LRRC53: variants seen among roughly 807,000 people sequenced by gnomAD.
LRRC53 encodes leucine rich repeat containing 53.
In LRRC53, 25 loss-of-function variants were observed where a neutral mutation model predicts 13.6. The ratio of observed to expected loss-of-function variants is 1.83; its 90% CI spans 1.34 to 2.56. The LOEUF (loss-of-function observed/expected upper bound fraction) is 2.56. LRRC53 is among the 30% of genes most tolerant of loss of function. The pLI is 0.00. For missense variants in LRRC53, 527 were observed against 275.8 expected (o/e 1.91, Z -6.45); for synonymous variants, 204 against 109.8 (o/e 1.86, Z -5.37).
At chr1:74,511,463 G>C (rs1455659010) in intron 1 of LRRC53, among the ~76,000 whole-genome samples, 3 of 152,116 alleles carry the variant, frequency 2.0e-5, no homozygotes, top group Non-Finnish European at 4.4e-5. Flanking sequence ...TTTATTTAAA[G>C]AATTAACAAT....
intron 1 of LRRC53, among the ~76,000 whole-genome samples, chr1:74,502,394 T>C (rs1669677860): frequency 6.6e-6 from 1 of 152,188 alleles, no homozygotes; most frequent in African/African-American, 2.4e-5. Flanking sequence ...ATGGTTTCTA[T>C]TTTTTAGATA....
At chr1:74,507,463 G>A (rs1486720983) in intron 1 of LRRC53, among the ~76,000 whole-genome samples, 1 of 152,102 alleles carries the variant, frequency 6.6e-6, no homozygotes, top group Admixed American at 6.6e-5. Flanking sequence ...TACACACAGA[G>A]TAAGCTTCTT....
At position 74,480,583 on chromosome 1, in the gene LRRC53, A is replaced by C; in HGVS notation, c.474T>G (p.Ser158Arg). Reference sequence around the variant, plus strand: ...TGTTGGATAAATCCAGATACCTGAGACTGTGGAGATTCGTGCCTCCGAAAG... The same window carrying C: ...TGTTGGATAAATCCAGATACCTGAGCCTGTGGAGATTCGTGCCTCCGAAAG... ...DSSFGGTNLH[S>R]LRYLDLSNNF... Residue 158 changes from serine (S) to arginine (R), a missense_variant, in exon 3 of 5, where the codon AGT becomes AGG. Transcript: ENST00000294635. The C allele has an allele frequency of 1.4e-6, 1 of 717,266 alleles. No homozygotes were observed. The highest frequency in any genetic ancestry group is 2.6e-6 in the Non-Finnish European group (1 of 385,086). The allele number at this position is 717,266 out of a possible 1,614,324, so 44.4% of individuals were successfully genotyped here.
At chr1:74,490,924 T>G (rs947688643) in intron 1 of LRRC53, among the ~76,000 whole-genome samples, 1 of 152,226 alleles carries the variant, frequency 6.6e-6, no homozygotes, top group Non-Finnish European at 1.5e-5. Context: ...GGTGGAGACC[T>G]GGCTTAGGAG....
chr1:74,525,084 T>C, the LRRC53 span, among the ~76,000 whole-genome samples: 1 of 152,060 alleles, frequency 6.6e-6, no homozygotes, highest in African/African-American at 2.4e-5. Flanking sequence ...TTCAGTGTGA[T>C]AAAAAACATA....
At chr1:74,510,245 G>A (rs926484624) in intron 1 of LRRC53, among the ~76,000 whole-genome samples, 7 of 152,078 alleles carry the variant, frequency 4.6e-5, no homozygotes, top group African/African-American at 1.7e-4. Context: ...AGTGGCTCAC[G>A]CCTGTAATCC....
chr1:74,496,335 A>G (rs922409806), intron 1 of LRRC53, among the ~76,000 whole-genome samples: 1 of 152,158 alleles, frequency 6.6e-6, no homozygotes, highest in African/African-American at 2.4e-5. Context: ...AATTCCTTAC[A>G]ATGTACCACT....
At chr1:74,501,966 T>A (rs1408363668) in intron 1 of LRRC53, among the ~76,000 whole-genome samples, 1 of 151,984 alleles carries the variant, frequency 6.6e-6, no homozygotes, top group East Asian at 1.9e-4. Flanking sequence ...TTATGTAGAG[T>A]GAATTTTATT....
At chr1:74,472,928 A>G (rs950492538) in intron 4 of LRRC53, among the ~76,000 whole-genome samples, 1 of 151,988 alleles carries the variant, frequency 6.6e-6, no homozygotes, top group Non-Finnish European at 1.5e-5. Flanking sequence ...ACAATCTTTC[A>G]TTTACTAAAG....
At chr1:74,517,050 G>A (rs1320327524), upstream of LRRC53, among the ~76,000 whole-genome samples, 1 of 152,144 alleles carries the variant, frequency 6.6e-6, no homozygotes, top group Non-Finnish European at 1.5e-5. Flanking sequence ...CTTGTCCCCA[G>A]CTCTGTTGAT....
At chr1:74,490,975 A>G (rs1669040329) in intron 1 of LRRC53, among the ~76,000 whole-genome samples, 1 of 152,222 alleles carries the variant, frequency 6.6e-6, no homozygotes, top group Admixed American at 6.5e-5. Context: ...TTGGGAGTTA[A>G]AATATAAAGT....
rs1170874004 is a variant in LRRC53 at position 74,470,542 on chromosome 1, G to T, written c.3080C>A (p.Pro1027Gln). 1 of 400,658 alleles carries T rather than the reference G, an allele frequency of 2.5e-6. No individual in the cohort carries two copies. The allele number at this position is 400,658 out of a possible 1,614,324, so 24.8% of individuals were successfully genotyped here. The change falls in exon 5 of 5, where the codon CCA (proline) becomes CAA (glutamine). Residue 1027 changes from proline to glutamine, a missense_variant. Coordinates refer to ENST00000294635, the MANE Select transcript of LRRC53 (RefSeq NM_001382280.1). ...NLSFMKTNSI[P>Q]YQNRIELPKD... ...GGGAAGTTCTATTCTATTTTGGTATGGAATTGAATTTGTCTTCATAAATGA... is the reference window on the plus strand; with the variant it reads ...GGGAAGTTCTATTCTATTTTGGTATTGAATTGAATTTGTCTTCATAAATGA...
At chr1:74,490,050 T>TAAAA (rs36063099) in intron 1 of LRRC53, among the ~76,000 whole-genome samples, 3 of 42,888 alleles carry the variant, frequency 7.0e-5, no homozygotes, top group Admixed American at 2.6e-4. Context: ...TTTTTTTTTC[T>TAAAA]AAAAAAAAAA....
the LRRC53 span, among the ~76,000 whole-genome samples, chr1:74,520,025 T>G: frequency 3.3e-5 from 5 of 152,198 alleles, no homozygotes; most frequent in African/African-American, 1.2e-4. Context: ...TTCCATAAGT[T>G]TTTGGGGAAC....
chr1:74,505,975 A>G (rs939503383), intron 1 of LRRC53, among the ~76,000 whole-genome samples: 2 of 152,010 alleles, frequency 1.3e-5, no homozygotes, highest in African/African-American at 4.8e-5. Context: ...AAGAGAAAGT[A>G]AAAAAATGAA....
At chr1:74,498,534 TTAAA>T (rs1292283078) in intron 1 of LRRC53, among the ~76,000 whole-genome samples, 1 of 152,190 alleles carries the variant, frequency 6.6e-6, no homozygotes, top group African/African-American at 2.4e-5. Flanking sequence ...GTGGTGAATA[TTAAA>T]TATTTTTATT....
chr1:74,516,234 G>T (rs1646346431), upstream of LRRC53, among the ~76,000 whole-genome samples: 2 of 152,162 alleles, frequency 1.3e-5, no homozygotes, highest in Non-Finnish European at 2.9e-5. Flanking sequence ...TTTGACTAAT[G>T]TTGAAGACTA....
chr1:74,516,175 T>C (rs181966596), upstream of LRRC53, among the ~76,000 whole-genome samples: 20 of 152,324 alleles, frequency 1.3e-4, no homozygotes, highest in East Asian at 3.1e-3. Flanking sequence ...TTTAAAAATA[T>C]GGTCATTTAT....
intron 1 of LRRC53, among the ~76,000 whole-genome samples, chr1:74,492,466 A>C (rs1365689377): frequency 6.6e-6 from 1 of 152,202 alleles, no homozygotes; most frequent in African/African-American, 2.4e-5. Context: ...CTCTAGTTGC[A>C]AGTAACAGGC....
Sources: allele counts gnomAD v4.1 joint callset (sites outside exome capture counted in the v4.1 genomes callset), GRCh38; gene constraint gnomAD v4.1.1; transcripts MANE v1.5; gene names NCBI Gene and HGNC (gene_info 2026-07-23, HGNC 2026-07-21).